The following LRRC4C variants were observed in gnomAD, a reference collection of about 807,000 sequenced individuals.
LRRC4C encodes the protein leucine-rich repeat-containing protein 4C.
In LRRC4C, 5 loss-of-function variants were observed where a neutral mutation model predicts 33.6. The ratio of observed to expected loss-of-function variants is 0.15; its 90% confidence interval spans 0.08 to 0.31. LRRC4C has a LOEUF of 0.31. Ranked by LOEUF, LRRC4C falls within the 10% of genes least tolerant of loss-of-function variation. LRRC4C has a pLI of 1.00. For missense variants in LRRC4C, 560 were observed against 796.7 expected (o/e 0.70, Z 3.58); for synonymous variants, 329 against 302.0 (o/e 1.09, Z -0.93).
At chr11:41,443,089 A>ATTTTTTTTTTTTTTTTTTTTTTCTTTTT in intron 1 of LRRC4C, among the ~76,000 whole-genome samples, 4 of 105,994 alleles carry the variant, frequency 3.8e-5, no homozygotes, top group Non-Finnish European at 5.3e-5. Context: ...TGTTTGCTTC[A>ATTTTTTTTTTTTTTTTTTTTTTCTTTTT]TTTTTTTTTT....
intron 1 of LRRC4C, among the ~76,000 whole-genome samples, chr11:41,249,552 C>T (rs1463964997): frequency 6.6e-6 from 1 of 152,106 alleles, no homozygotes; most frequent in Non-Finnish European, 1.5e-5. Context: ...ACCTTTTTGA[C>T]TGCCTTTGCT....
chr11:40,830,075 T>C (rs56127432), intron 2 of LRRC4C, among the ~76,000 whole-genome samples: 2 of 152,126 alleles, frequency 1.3e-5, no homozygotes, highest in Admixed American at 6.6e-5. Flanking sequence ...AAAAATTGTA[T>C]GTTTAGAGGC....
chr11:40,130,992 G>A (rs781556041), intron 6 of LRRC4C, among the ~76,000 whole-genome samples: 38 of 152,148 alleles, frequency 2.5e-4, no homozygotes, highest in African/African-American at 6.5e-4. Flanking sequence ...TAAATTGTCC[G>A]TAAAGCCAAG....
At chr11:40,208,948 C>T (rs1863365924) in intron 5 of LRRC4C, among the ~76,000 whole-genome samples, 2 of 146,638 alleles carry the variant, frequency 1.4e-5, no homozygotes, top group African/African-American at 5.0e-5. Flanking sequence ...CTTTTGTGCA[C>T]GTGTGTGTGT....
At chr11:40,218,692 A>AATCAATCT (rs1864172091) in intron 5 of LRRC4C, among the ~76,000 whole-genome samples, 1 of 140,014 alleles carries the variant, frequency 7.1e-6, no homozygotes, top group South Asian at 2.5e-4. Flanking sequence ...AATGATAAAG[A>AATCAATCT]ATCTATCTAT....
At chr11:40,416,861 T>C (rs974310633) in intron 3 of LRRC4C, among the ~76,000 whole-genome samples, 1 of 152,228 alleles carries the variant, frequency 6.6e-6, no homozygotes, top group African/African-American at 2.4e-5. Flanking sequence ...TGCTACTATA[T>C]TCTTAGCCCA....
chr11:41,086,042 C>G (rs1939963886), intron 1 of LRRC4C, among the ~76,000 whole-genome samples: 1 of 151,720 alleles, frequency 6.6e-6, no homozygotes, highest in South Asian at 2.1e-4. Context: ...CCAAAAGTCC[C>G]ATTTTTCTCC....
intron 1 of LRRC4C, chr11:41,222,806 C>T (rs1590979368): frequency 7.6e-6 from 1 of 131,928 alleles, no homozygotes; most frequent in Admixed American, 8.5e-5. Context: ...CCTGCTGCTA[C>T]TCTGTCTCTG....
chr11:40,390,235 G>A (rs146423085), intron 3 of LRRC4C, among the ~76,000 whole-genome samples: 17 of 152,162 alleles, frequency 1.1e-4, no homozygotes, highest in African/African-American at 3.9e-4. Flanking sequence ...CACTTCTGTC[G>A]GTGTTTAGCT....
At chr11:41,146,480 A>G (rs1022012121) in intron 1 of LRRC4C, among the ~76,000 whole-genome samples, 1 of 152,200 alleles carries the variant, frequency 6.6e-6, no homozygotes, top group Non-Finnish European at 1.5e-5. Context: ...AAAACAATGA[A>G]CTCAGTAATC....
At position 40,942,149 on chromosome 11, in the gene LRRC4C, A is replaced by G. The variant is rs542754256; in HGVS notation, c.-495-8426T>C. Among the ~76,000 whole-genome samples the G allele has an allele frequency of 1.1e-4, 17 of 152,252 alleles. No homozygotes were observed. The East Asian group carries it at 3.1e-3, about 28-fold the overall frequency. ...GTTCCAAGAAAGGTTTAGCTAGCCA[A>G]TGGGGCATCCTTGAGATGAAGTTGC... is the stretch of plus-strand genomic sequence containing the variant. On this transcript the variant is annotated intron_variant, in intron 1 of 6. Transcript: ENST00000528697.
intron 2 of LRRC4C, among the ~76,000 whole-genome samples, chr11:40,673,156 G>C (rs1944217829): frequency 1.3e-5 from 2 of 152,114 alleles, no homozygotes; most frequent in Admixed American, 6.5e-5. Context: ...CATTCAAAAA[G>C]TTTATTATGG....
chr11:40,379,295 A>T (rs1948774029), intron 3 of LRRC4C, among the ~76,000 whole-genome samples: 1 of 152,014 alleles, frequency 6.6e-6, no homozygotes, highest in Admixed American at 6.5e-5. Context: ...ATATAAAATT[A>T]TTTTTTGAAG....
intron 1 of LRRC4C, among the ~76,000 whole-genome samples, chr11:41,357,818 C>G (rs528550416): frequency 6.6e-6 from 1 of 152,170 alleles, no homozygotes; most frequent in East Asian, 1.9e-4. Flanking sequence ...TCAACAGTAT[C>G]AAGATGTTAG....
chr11:40,302,653 A>C (rs1045555501), intron 4 of LRRC4C, among the ~76,000 whole-genome samples: 2 of 152,228 alleles, frequency 1.3e-5, no homozygotes, highest in African/African-American at 4.8e-5. Context: ...AGTACTATCC[A>C]ATTCAATCCA....
At chr11:40,870,135 A>T (rs1352092089) in intron 2 of LRRC4C, among the ~76,000 whole-genome samples, 1 of 152,222 alleles carries the variant, frequency 6.6e-6, no homozygotes. Flanking sequence ...AACACCAAAT[A>T]AAAAGAAAAC....
intron 3 of LRRC4C, among the ~76,000 whole-genome samples, chr11:40,484,679 C>T (rs751313138): frequency 4.6e-5 from 7 of 151,940 alleles, no homozygotes; most frequent in Admixed American, 1.3e-4. Context: ...ACATACAAAA[C>T]TTAGACAAGC....
intron 1 of LRRC4C, among the ~76,000 whole-genome samples, chr11:41,149,528 A>T (rs2135956633): frequency 6.6e-6 from 1 of 151,888 alleles, no homozygotes; most frequent in East Asian, 1.9e-4. Flanking sequence ...AAAAAAAAAA[A>T]AAAAAGAAGG....
At chr11:40,929,681 C>T (rs1357582274) in intron 2 of LRRC4C, among the ~76,000 whole-genome samples, 3 of 152,070 alleles carry the variant, frequency 2.0e-5, no homozygotes, top group Non-Finnish European at 4.4e-5. Flanking sequence ...GTGGCGCGAT[C>T]TCGGCTCACT....
Sources: allele counts gnomAD v4.1 joint callset (sites outside exome capture counted in the v4.1 genomes callset), GRCh38; gene constraint gnomAD v4.1.1; transcripts MANE v1.5; gene names NCBI Gene and HGNC (gene_info 2026-07-23, HGNC 2026-07-21).